Variants in NPIPB8 observed in about 807,000 individuals in gnomAD.
NPIPB8 encodes the protein nuclear pore complex interacting protein family member B8.
Under a neutral mutation model 5.3 loss-of-function variants are expected in NPIPB8, and 3 were observed. That is an observed-to-expected ratio of 0.57 (90% confidence interval 0.26 to 1.47). NPIPB8 has a LOEUF of 1.47. Ranked by LOEUF, NPIPB8 falls within the 40% of genes most tolerant of loss-of-function variation. The probability of loss-of-function intolerance (pLI) is 0.13; values close to 1 mark genes in which losing one functional copy is unlikely to be tolerated. For synonymous variants in NPIPB8, 18 were observed against 23.0 expected, an observed-to-expected ratio of 0.78 and a Z score of 0.62; for missense variants, 50 against 50.2, an observed-to-expected ratio of 1.00 and a Z score of 0.01.
intron 2 of NPIPB8, among the ~76,000 whole-genome samples, chr16:28,642,970 C>T (rs1417378526): frequency 6.6e-6 from 1 of 152,198 alleles, no homozygotes; most frequent in Non-Finnish European, 1.5e-5. Context: ...TGGGCATACT[C>T]TGTGTGATCG....
intron 2 of NPIPB8, among the ~76,000 whole-genome samples, chr16:28,643,047 G>A (rs1451156108): frequency 2.6e-5 from 4 of 151,986 alleles, no homozygotes; most frequent in African/African-American, 9.7e-5. Context: ...GTGGGGGTCT[G>A]TCCTGGTCAC....
Position 28,638,087 on chromosome 16 carries a change from A to G in NPIPB8, c.-102A>G. 1.4e-6 allele frequency: 1 copy of G among 690,402 alleles called. No homozygotes were observed. The highest frequency in any genetic ancestry group is 4.6e-4 in the Middle Eastern group (1 of 2,174). The allele number at this position is 690,402 out of a possible 1,614,324, so 42.8% of individuals were successfully genotyped here. A position where few individuals can be genotyped will look rare whatever the true frequency, so the allele number is the denominator to read the frequency against. Reference sequence around the variant, plus strand: ...TGTTTTATAGGTATGATCTCATGAAACCTTGAGAGAAACTGAATGACGAAT... The same window carrying G: ...TGTTTTATAGGTATGATCTCATGAAGCCTTGAGAGAAACTGAATGACGAAT... On this transcript the variant is annotated 5_prime_UTR_variant, in exon 1 of 8. Transcript: ENST00000683297.
intron 2 of NPIPB8, among the ~76,000 whole-genome samples, chr16:28,642,343 A>T (rs1361171222): frequency 1.3e-5 from 2 of 152,052 alleles, no homozygotes; most frequent in Non-Finnish European, 2.9e-5. Flanking sequence ...TAACCTTGTG[A>T]TCCACCTACC....
At chr16:28,641,298 G>C (rs1205372006) in intron 2 of NPIPB8, among the ~76,000 whole-genome samples, 1 of 150,756 alleles carries the variant, frequency 6.6e-6, no homozygotes, top group African/African-American at 2.4e-5. Context: ...GGGTAGTGGG[G>C]GTAGTGGTCA....
At chr16:28,643,043 G>C (rs1273739446) in intron 2 of NPIPB8, among the ~76,000 whole-genome samples, 1 of 151,966 alleles carries the variant, frequency 6.6e-6, no homozygotes, top group East Asian at 1.9e-4. Context: ...GACAGTGGGG[G>C]TCTGTCCTGG....
intron 2 of NPIPB8, among the ~76,000 whole-genome samples, 184 bp downstream of exon 2, chr16:28,638,664 A>T (rs1031183397): frequency 4.0e-5 from 6 of 150,934 alleles, no homozygotes; most frequent in African/African-American, 1.5e-4. Flanking sequence ...TATTTGGATG[A>T]AAACCACTAT....
At chr16:28,640,693 T>C (rs139271465) in intron 2 of NPIPB8, among the ~76,000 whole-genome samples, 14,476 of 152,068 alleles carry the variant, frequency 0.095, 2,311 homozygotes, top group African/African-American at 0.33. Flanking sequence ...TTGCTTTATC[T>C]TCAGCCAGGT....
intron 2 of NPIPB8, among the ~76,000 whole-genome samples, chr16:28,640,181 C>T (rs534728419): frequency 2.0e-5 from 3 of 152,120 alleles, no homozygotes; most frequent in Admixed American, 6.5e-5. Flanking sequence ...GCAGGCTAGT[C>T]TGCATCACAG....
At chr16:28,645,040 T>C (rs1281805639) in intron 2 of NPIPB8, among the ~76,000 whole-genome samples, 3 of 44,826 alleles carry the variant, frequency 6.7e-5, no homozygotes, top group Non-Finnish European at 1.2e-4. Flanking sequence ...GTTTGATGAC[T>C]TTTTTTTTTT....
intron 2 of NPIPB8, among the ~76,000 whole-genome samples, chr16:28,643,040 G>C (rs2047933725): frequency 6.6e-6 from 1 of 151,954 alleles, no homozygotes; most frequent in Non-Finnish European, 1.5e-5. Context: ...ATAGACAGTG[G>C]GGGTCTGTCC....
intron 2 of NPIPB8, among the ~76,000 whole-genome samples, chr16:28,640,140 G>C (rs923477769): frequency 5.3e-5 from 8 of 151,922 alleles, no homozygotes; most frequent in Non-Finnish European, 1.0e-4. Context: ...TGAAACCTAT[G>C]TGTGTCTGAC....
chr16:28,652,940 G>A (rs1302602359), intron 5 of NPIPB8, among the ~76,000 whole-genome samples: 11,796 of 109,104 alleles, frequency 0.11, 516 homozygotes, highest in Non-Finnish European at 0.16. Flanking sequence ...ATAGAATCTC[G>A]CTCTGTCGCC....
intron 2 of NPIPB8, among the ~76,000 whole-genome samples, chr16:28,642,914 G>A (rs1052846035): frequency 6.6e-6 from 1 of 152,184 alleles, no homozygotes; most frequent in African/African-American, 2.4e-5. Context: ...AAATGGTAAA[G>A]GGATTTAAAG....
Position 28,639,018 on chromosome 16 carries a change from A to G in NPIPB8, c.120+538A>G, listed in dbSNP as rs368539400. Among the ~76,000 whole-genome samples the G allele has an allele frequency of 2.8e-3, 414 of 149,630 alleles. 2 individuals carry two copies. The highest frequency in any genetic ancestry group is 6.9e-3 in the Middle Eastern group (2 of 290). On this transcript the variant is annotated intron_variant, in intron 2 of 7. Transcript: ENST00000683297. Reference sequence around the variant, plus strand: ...CAGGAGGTGGAGGTTTTAGTGGGCCAAGATCACGCCATTGCACTCCAGACT... The same window carrying G: ...CAGGAGGTGGAGGTTTTAGTGGGCCGAGATCACGCCATTGCACTCCAGACT...
At chr16:28,638,564 G>A (rs897483116) in intron 2 of NPIPB8, 84 bp downstream of exon 2, 5 of 1,429,844 alleles carry the variant, frequency 3.5e-6, no homozygotes, top group South Asian at 2.5e-5. Context: ...AGCGGGTGAT[G>A]CTGGGGGAAG....
At chr16:28,642,930 G>A (rs1404188839) in intron 2 of NPIPB8, among the ~76,000 whole-genome samples, 1 of 152,192 alleles carries the variant, frequency 6.6e-6, no homozygotes, top group Non-Finnish European at 1.5e-5. Flanking sequence ...TAAAGCAGTG[G>A]TTTTCAGCTG....
In NPIPB8 at chr16:28,645,392, C is replaced by A. The variant is rs369299998; in HGVS notation, c.121-2743C>A. ...AGTACTTACACCAGCATAAACCGAC[C>A]CCCTTTCAAGATCTACATTATTTTA... On this transcript the variant is annotated intron_variant, in intron 2 of 7. Transcript: ENST00000683297. Among the ~76,000 whole-genome samples the A allele has an allele frequency of 8.2e-4, 44 of 53,944 alleles. 1 individual carries two copies. The East Asian group carries it at 0.015, about 18-fold the overall frequency. The allele number at this position is 53,944 out of a possible 152,430, so 35.4% of individuals were successfully genotyped here.
chr16:28,652,711 C>T (rs562252394), intron 5 of NPIPB8, among the ~76,000 whole-genome samples: 1 of 126,574 alleles, frequency 7.9e-6, no homozygotes, highest in Non-Finnish European at 1.7e-5. Context: ...AAGCAATTCT[C>T]CTGTCTCAGC....
At chr16:28,657,565 TC>T (rs1295813606) in intron 7 of NPIPB8, 1 of 107,962 alleles carries the variant, frequency 9.3e-6, no homozygotes, top group Non-Finnish European at 1.2e-5. Flanking sequence ...GAAAACATTC[TC>T]CAAAAAGAAG....
Sources: allele counts gnomAD v4.1 joint callset (sites outside exome capture counted in the v4.1 genomes callset), GRCh38; gene constraint gnomAD v4.1.1; transcripts MANE v1.5; gene names NCBI Gene and HGNC (gene_info 2026-07-23, HGNC 2026-07-21).